The following FGF1 variants were observed in gnomAD, a reference collection of about 807,000 sequenced individuals.
FGF1 encodes the protein beta-endothelial cell growth factor.
A neutral mutation model predicts 13.4 loss-of-function variants in FGF1; 9 were observed. The ratio of observed to expected loss-of-function variants is 0.67; its 90% CI spans 0.40 to 1.17. FGF1 has a LOEUF of 1.17. Among genes scored for constraint, FGF1 ranks in the 50% most tolerant of loss-of-function variants. The probability of loss-of-function intolerance (pLI) is 0.01; values close to 1 mark genes in which losing one functional copy is unlikely to be tolerated. For synonymous variants in FGF1, 93 were observed against 79.0 expected (o/e 1.18, Z -0.94); for missense variants, 156 against 192.7 (o/e 0.81, Z 1.13).
At chr5:142,614,305 G>C in intron 1 of FGF1, 144 bp from the exon 2 acceptor site, 1 of 635,656 alleles carries the variant, frequency 1.6e-6, no homozygotes. Flanking sequence ...CGCAGTCCGC[G>C]GGCCTGTGAG....
intron 1 of FGF1, among the ~76,000 whole-genome samples, chr5:142,666,803 G>A (rs1233400567): frequency 2.0e-5 from 3 of 151,798 alleles, no homozygotes; most frequent in African/African-American, 7.3e-5. Context: ...CAGGTGTGTT[G>A]GTGAGTGCTT....
chr5:142,670,731 G>A (rs1269850525), intron 1 of FGF1, among the ~76,000 whole-genome samples: 2 of 152,160 alleles, frequency 1.3e-5, no homozygotes, highest in South Asian at 2.1e-4. Flanking sequence ...TGGAAATTAC[G>A]ATGTGCCTCA....
chr5:142,617,755 C>T (rs1760564919), intron 1 of FGF1, among the ~76,000 whole-genome samples: 1 of 152,136 alleles, frequency 6.6e-6, no homozygotes, highest in Non-Finnish European at 1.5e-5. Context: ...AATGAAATCC[C>T]TTTTTGTTGC....
At chr5:142,690,263 C>T (rs535961973), upstream of FGF1, among the ~76,000 whole-genome samples, 3 of 151,046 alleles carry the variant, frequency 2.0e-5, no homozygotes, top group African/African-American at 4.8e-5. Context: ...CCGGCGAACC[C>T]GGGAGGCGGA....
intron 2 of FGF1, chr5:142,601,089 T>C (rs779332341): frequency 1.7e-6 from 1 of 575,954 alleles, no homozygotes; most frequent in Non-Finnish European, 3.3e-6. Flanking sequence ...TGAGTGCACC[T>C]TCACGGTGCC....
intron 1 of FGF1, among the ~76,000 whole-genome samples, chr5:142,625,313 GACACACACACACACACAC>G (rs59813387): frequency 9.4e-5 from 14 of 148,294 alleles, no homozygotes; most frequent in Non-Finnish European, 2.1e-4. Flanking sequence ...ACTACAAGCG[GACACACACACACACACAC>G]ACACACACAC....
intron 2 of FGF1, among the ~76,000 whole-genome samples, chr5:142,605,614 C>T (rs1035807829): frequency 3.3e-5 from 5 of 152,160 alleles, no homozygotes; most frequent in African/African-American, 1.2e-4. Context: ...GACTTCAGCC[C>T]TCAGCCATGA....
chr5:142,611,167 C>T lies in FGF1; in HGVS notation c.169+2792G>A, dbSNP rs142808597. On this transcript the variant is annotated intron_variant, in intron 2 of 3. Transcript: ENST00000337706. The stretch of plus-strand genomic sequence containing the variant: ...GGATCACATTTAGTCAGGGAGCATC[C>T]GTCTCATGCCTGGCCGAGGCAATTC... 1.7e-4 allele frequency among the ~76,000 whole-genome samples: 26 copies of T among 152,078 alleles called. No homozygotes were observed. The East Asian group carries it at 4.5e-3, about 26-fold the overall frequency.
intron 1 of FGF1, among the ~76,000 whole-genome samples, chr5:142,620,576 TA>T (rs1761369986): frequency 6.6e-6 from 1 of 152,166 alleles, no homozygotes; most frequent in African/African-American, 2.4e-5. Flanking sequence ...TCTAATGACA[TA>T]GCCTCAAAAT....
Position 142,691,421 on chromosome 5 carries a change from CAAATAAAATAAAATAAAATA to C in FGF1, c.-35+6181_-35+6200del, listed in dbSNP as rs151025512. Among the ~76,000 whole-genome samples the C allele has an allele frequency of 9.3e-3, 1,189 of 128,514 alleles. 19 individuals are homozygous for C. The highest frequency in any genetic ancestry group is 0.031 in the African/African-American group (1,025 of 33,146). 84.3% of individuals were successfully genotyped at this position (128,514 alleles called of 152,430 possible). On this transcript the variant is annotated intron_variant, in intron 2 of 4. Transcript: ENST00000407758. ...TGGGTGATAGAGTGAGACTCTGTCT[CAAATAAAATAAAATAAAATA>C]AAATAAAATAAAATAAAATAAAATA... is the stretch of plus-strand genomic sequence containing the variant.
At chr5:142,616,992 A>G (rs1353791263) in intron 1 of FGF1, among the ~76,000 whole-genome samples, 2 of 152,196 alleles carry the variant, frequency 1.3e-5, no homozygotes, top group African/African-American at 4.8e-5. Context: ...GGTGGGCCGA[A>G]TTTTGTTTCT....
rs1491324574 is a variant in FGF1, at chr5:142,634,192, C to CAA, written c.-34-20033_-34-20032dup. Among the ~76,000 whole-genome samples, 297 of 53,296 alleles carry CAA rather than the reference C, an allele frequency of 5.6e-3. 14 individuals carry two copies. Among genetic ancestry groups the CAA allele is most frequent in the African/African-American group, 0.02 (245 of 11,992 alleles). 35.0% of individuals were successfully genotyped at this position (53,296 alleles called of 152,430 possible). On this transcript the variant is annotated intron_variant, in intron 1 of 3. Transcript: ENST00000337706. ...TGGGTGACAGAGCGAGACTCCATCT[C>CAA]AAGAAAAAAAAAAAAAAAAAACTCC...
chr5:142,650,197 A>G (rs1026913154), intron 1 of FGF1, among the ~76,000 whole-genome samples: 1 of 152,152 alleles, frequency 6.6e-6, no homozygotes, highest in Non-Finnish European at 1.5e-5. Context: ...AGGGGGAGGG[A>G]TGGAGATGAC....
intron 1 of FGF1, among the ~76,000 whole-genome samples, chr5:142,629,892 TATA>T (rs1290218630): frequency 2.0e-5 from 2 of 100,442 alleles, no homozygotes; most frequent in African/African-American, 7.0e-5. Flanking sequence ...TATATATATA[TATA>T]TTTTTTTTTT....
At chr5:142,663,124 T>C (rs1280238106) in intron 1 of FGF1, among the ~76,000 whole-genome samples, 1 of 151,862 alleles carries the variant, frequency 6.6e-6, no homozygotes, top group African/African-American at 2.4e-5. Flanking sequence ...GTGCCTGGCA[T>C]ACAAAATGTT....
intron 2 of FGF1, among the ~76,000 whole-genome samples, chr5:142,695,015 A>T (rs763507595): frequency 6.6e-6 from 1 of 152,104 alleles, no homozygotes; most frequent in Non-Finnish European, 1.5e-5. Context: ...AGGAAATTCT[A>T]CTGATAGGTG....
At chr5:142,626,425 C>G (rs961180798) in intron 1 of FGF1, among the ~76,000 whole-genome samples, 12 of 152,146 alleles carry the variant, frequency 7.9e-5, no homozygotes, top group Non-Finnish European at 1.5e-5. Context: ...TTTGCACCAA[C>G]CTAAAACGTG....
chr5:142,695,038 G>A (rs1043193134), intron 2 of FGF1, among the ~76,000 whole-genome samples: 15 of 152,302 alleles, frequency 9.8e-5, no homozygotes, highest in African/African-American at 3.6e-4. Flanking sequence ...TAAATGATTA[G>A]TGGAATAGGA....
intron 1 of FGF1, among the ~76,000 whole-genome samples, chr5:142,620,358 C>A (rs1561578363): frequency 6.6e-6 from 1 of 151,850 alleles, no homozygotes; most frequent in Non-Finnish European, 1.5e-5. Flanking sequence ...GCGGAGCTTG[C>A]AGTGAGCTGA....
Sources: allele counts gnomAD v4.1 joint callset (sites outside exome capture counted in the v4.1 genomes callset), GRCh38; gene constraint gnomAD v4.1.1; transcripts MANE v1.5; gene names NCBI Gene and HGNC (gene_info 2026-07-23, HGNC 2026-07-21).